RIMKLB: variants seen among roughly 807,000 people sequenced by gnomAD.
The protein encoded by RIMKLB is beta-citrylglutamate synthase B.
RIMKLB carries 7 observed loss-of-function variants against 32.0 expected under a neutral mutation model. The observed-to-expected ratio is 0.22, with a 90% CI of 0.12 to 0.41. The LOEUF is 0.41. RIMKLB is among the 10% of genes least tolerant of loss of function. The probability of loss-of-function intolerance (pLI) is 1.00; values close to 1 mark genes in which losing one functional copy is unlikely to be tolerated. For synonymous variants in RIMKLB, 172 were observed against 185.1 expected (o/e 0.93, Z 0.57); for missense variants, 289 against 498.7 (o/e 0.58, Z 4.00).
At chr12:8,764,120 A>C (rs978257926) in intron 5 of RIMKLB, among the ~76,000 whole-genome samples, 7 of 152,176 alleles carry the variant, frequency 4.6e-5, no homozygotes, top group Non-Finnish European at 8.8e-5. Flanking sequence ...TGTAGGGGCT[A>C]CTGCATGATT....
At chr12:8,744,101 A>G (rs1390980257) in intron 2 of RIMKLB, among the ~76,000 whole-genome samples, 1 of 151,940 alleles carries the variant, frequency 6.6e-6, no homozygotes, top group East Asian at 1.9e-4. Flanking sequence ...CATTCCTTTT[A>G]TATCCATTTA....
intron 2 of RIMKLB, among the ~76,000 whole-genome samples, chr12:8,723,982 A>AGTTTTGTTTTGTTTTGTTTTGTTTT (rs75784732): frequency 6.6e-6 from 1 of 150,826 alleles, no homozygotes; most frequent in African/African-American, 2.5e-5. Flanking sequence ...TGCCTGGCTA[A>AGTTTTGTTTTGTTTTGTTTTGTTTT]GTTTTGTTTT....
At chr12:8,742,125 C>T (rs1458824506) in intron 2 of RIMKLB, among the ~76,000 whole-genome samples, 1 of 151,654 alleles carries the variant, frequency 6.6e-6, no homozygotes, top group Non-Finnish European at 1.5e-5. Flanking sequence ...GTCTCAAGCT[C>T]CTGACCTCAT....
chr12:8,733,013 T>C (rs1448009023), intron 2 of RIMKLB, among the ~76,000 whole-genome samples: 3 of 152,198 alleles, frequency 2.0e-5, no homozygotes, highest in Non-Finnish European at 4.4e-5. Flanking sequence ...ACAAATCTTT[T>C]TGATGACGTT....
chr12:8,776,803 G>T lies in RIMKLB; in HGVS notation c.*3019G>T. 1.0e-6 allele frequency: 1 copy of T among 985,550 alleles called. No individual in the cohort carries two copies. The highest frequency in any genetic ancestry group is 1.2e-6 in the Non-Finnish European group (1 of 829,832). 61.1% of individuals were successfully genotyped at this position (985,550 alleles called of 1,614,324 possible). A position where few individuals can be genotyped will look rare whatever the true frequency, so the allele number is the denominator to read the frequency against. On this transcript the variant is annotated 3_prime_UTR_variant, in exon 6 of 6. Coordinates refer to ENST00000535829, the MANE Select transcript of RIMKLB (RefSeq NM_001297776.2). ...GGAACAGTAGAAAAACCCAACAAGA[G>T]ACTTGGCATTCATCAAGCACATTAT...
At chr12:8,714,070 G>T in intron 2 of RIMKLB, 29 bp downstream of exon 2, 1 of 1,589,764 alleles carries the variant, frequency 6.3e-7, no homozygotes, top group Non-Finnish European at 8.6e-7. Flanking sequence ...TGATCTTTTG[G>T]ATTTTTACCT....
intron 1 of RIMKLB, among the ~76,000 whole-genome samples, chr12:8,710,338 C>T (rs1254729745): frequency 2.4e-5 from 3 of 125,238 alleles, no homozygotes; most frequent in African/African-American, 6.1e-5. Context: ...GATGGAGTTT[C>T]GCTCTGTCAC....
At chr12:8,687,296 C>G (rs1320172049) in intron 1 of RIMKLB, among the ~76,000 whole-genome samples, 3 of 152,268 alleles carry the variant, frequency 2.0e-5, no homozygotes, top group Non-Finnish European at 4.4e-5. Context: ...GTTTAAATCT[C>G]CCTTGTGGCA....
chr12:8,705,476 C>CAAAA (rs10607711), intron 1 of RIMKLB, among the ~76,000 whole-genome samples: 4 of 105,348 alleles, frequency 3.8e-5, no homozygotes, highest in African/African-American at 1.1e-4. Flanking sequence ...GACTCCATCT[C>CAAAA]AAAAAAAAAA....
At chr12:8,715,457 C>G (rs1944748637) in intron 2 of RIMKLB, among the ~76,000 whole-genome samples, 1 of 152,088 alleles carries the variant, frequency 6.6e-6, no homozygotes, top group Non-Finnish European at 1.5e-5. Context: ...ACTCTGAACT[C>G]AAGTGATCCA....
chr12:8,780,790 A>T (rs1280890132), downstream of RIMKLB: 3 of 152,228 alleles, frequency 2.0e-5, no homozygotes, highest in Non-Finnish European at 2.9e-5. Context: ...GCAATGTTAT[A>T]TAAATTATAT....
At chr12:8,708,239 A>G (rs1458749532) in intron 1 of RIMKLB, among the ~76,000 whole-genome samples, 1 of 152,034 alleles carries the variant, frequency 6.6e-6, no homozygotes, top group Non-Finnish European at 1.5e-5. Context: ...TTGAGCTCAT[A>G]TGTTAATGGA....
At chr12:8,695,141 A>G (rs1188475045), upstream of RIMKLB, among the ~76,000 whole-genome samples, 1 of 152,162 alleles carries the variant, frequency 6.6e-6, no homozygotes, top group South Asian at 2.1e-4. Context: ...CAGACATGCT[A>G]GGTTACTTAT....
intron 2 of RIMKLB, among the ~76,000 whole-genome samples, chr12:8,746,451 A>T (rs1273758318): frequency 2.0e-5 from 3 of 151,496 alleles, no homozygotes; most frequent in Non-Finnish European, 2.9e-5. Flanking sequence ...ACAAACAAGT[A>T]GCCGGGCGCG....
chr12:8,777,061 T>C lies in RIMKLB; in HGVS notation c.*3277T>C. On this transcript the variant is annotated 3_prime_UTR_variant, in exon 6 of 6. Transcript: ENST00000535829. Reference sequence around the variant, plus strand: ...GAGACACGATCCCCTCCTAAGAAAATGTAGGTGCTCAGACAGGTAACCACT... The same window carrying C: ...GAGACACGATCCCCTCCTAAGAAAACGTAGGTGCTCAGACAGGTAACCACT... 2 of 985,816 alleles carry C rather than the reference T, an allele frequency of 2.0e-6. No homozygotes were observed. Among genetic ancestry groups the C allele is most frequent in the Non-Finnish European group, 2.4e-6 (2 of 829,950 alleles). The allele number at this position is 985,816 out of a possible 1,614,324, so 61.1% of individuals were successfully genotyped here. A position where few individuals can be genotyped will look rare whatever the true frequency, so the allele number is the denominator to read the frequency against.
At chr12:8,716,638 A>T (rs1944873750) in intron 2 of RIMKLB, among the ~76,000 whole-genome samples, 1 of 145,678 alleles carries the variant, frequency 6.9e-6, no homozygotes, top group Non-Finnish European at 1.5e-5. Context: ...CTCTCCTGTG[A>T]GAGAGAGGGG....
intron 2 of RIMKLB, among the ~76,000 whole-genome samples, chr12:8,732,173 A>G (rs1946605553): frequency 6.6e-6 from 1 of 152,090 alleles, no homozygotes; most frequent in Admixed American, 6.5e-5. Context: ...TGACCAAATC[A>G]ACACATAAAT....
chr12:8,770,766 C>T (rs1950336283), intron 5 of RIMKLB, among the ~76,000 whole-genome samples: 1 of 152,146 alleles, frequency 6.6e-6, no homozygotes, highest in Non-Finnish European at 1.5e-5. Flanking sequence ...GTTGAGGGCT[C>T]AGTCACCAGG....
upstream of RIMKLB, among the ~76,000 whole-genome samples, chr12:8,696,637 C>T (rs1942898398): frequency 6.6e-6 from 1 of 152,242 alleles, no homozygotes; most frequent in South Asian, 2.1e-4. Flanking sequence ...CAGAGGTTCA[C>T]ATAGGGAGTG....
Sources: allele counts gnomAD v4.1 joint callset (sites outside exome capture counted in the v4.1 genomes callset), GRCh38; gene constraint gnomAD v4.1.1; transcripts MANE v1.5; gene names NCBI Gene and HGNC (gene_info 2026-07-23, HGNC 2026-07-21).